CC2D2A: variants seen among roughly 807,000 people sequenced by gnomAD.
CC2D2A encodes coiled-coil and C2 domain-containing protein 2A.
A neutral mutation model predicts 212.9 loss-of-function variants in CC2D2A; 155 were observed. That is an observed-to-expected ratio of 0.73 (90% CI 0.64 to 0.83). The LOEUF is 0.83. Ranked by LOEUF, CC2D2A falls within the 40% of genes least tolerant of loss-of-function variation. CC2D2A has a pLI of 0.00. For missense variants in CC2D2A, 1,856 were observed against 1,956.2 expected (o/e 0.95, Z 0.97); for synonymous variants, 667 against 686.5 (o/e 0.97, Z 0.44).
rs534516025 is a variant in CC2D2A, at chr4:15,516,656, T to C, written c.1049T>C (p.Ile350Thr). 22 of 1,613,268 alleles carry C rather than the reference T, an allele frequency of 1.4e-5. No individual in the cohort carries two copies. The South Asian group carries it at 2.2e-4, about 16-fold the overall frequency. The change falls in exon 11 of 37, where the codon ATC becomes ACC. Residue 350 changes from isoleucine to threonine, a missense_variant. Physicochemically the swap from Ile to Thr is moderately conservative, Grantham distance 89 (BLOSUM62 -1). Around this residue, in one of 5 missense-constraint regions of CC2D2A, gnomAD observed 1,512 missense variants for 1,579.3 expected, o/e 0.96. Transcript: ENST00000424120. Reference protein sequence around the residue: ...ERRWFGDDGRILALPNPIKPF... With the variant: ...ERRWFGDDGRTLALPNPIKPF... ...AGATGGTTTGGAGATGACGGCAGGATCCTAGCTCTGCCAAACCCCATCAAG... is the reference window on the plus strand; with the variant it reads ...AGATGGTTTGGAGATGACGGCAGGACCCTAGCTCTGCCAAACCCCATCAAG...
intron 11 of CC2D2A, chr4:15,519,780 G>A (rs73235032): frequency 0.17 from 59,334 of 357,006 alleles, 5,964 homozygotes; most frequent in East Asian, 0.34. Context: ...TAAGAACGGC[G>A]CAGGAAAGAC....
intron 32 of CC2D2A, 99 bp downstream of exon 32, chr4:15,588,028 T>C (rs1238337852): frequency 1.6e-6 from 1 of 637,888 alleles, no homozygotes; most frequent in East Asian, 2.8e-5. Context: ...AACGATCCTT[T>C]GGGTTGCTAG....
intron 11 of CC2D2A, among the ~76,000 whole-genome samples, chr4:15,522,267 G>C (rs770189664): frequency 6.6e-6 from 1 of 152,138 alleles, no homozygotes; most frequent in Non-Finnish European, 1.5e-5. Context: ...AACAAAAGTT[G>C]GCATTTCCTT....
At chr4:15,559,759 C>T (rs1719477038) in intron 22 of CC2D2A, among the ~76,000 whole-genome samples, 2 of 152,028 alleles carry the variant, frequency 1.3e-5, no homozygotes, top group South Asian at 2.1e-4. Flanking sequence ...GTGTTATCTA[C>T]CCTGTGGCTC....
At chr4:15,541,042 C>G (rs571078553) in intron 17 of CC2D2A, 28 bp downstream of exon 17, 1 of 1,500,362 alleles carries the variant, frequency 6.7e-7, no homozygotes, top group African/African-American at 1.4e-5. Context: ...AGTTACTGGC[C>G]GGGCACTGTG....
chr4:15,588,669 C>T (rs1256067052), intron 32 of CC2D2A, among the ~76,000 whole-genome samples: 2 of 152,062 alleles, frequency 1.3e-5, no homozygotes, highest in Non-Finnish European at 2.9e-5. Flanking sequence ...ATCATTATCT[C>T]CCAGATAGTC....
chr4:15,588,379 T>A (rs1720945189), intron 32 of CC2D2A, among the ~76,000 whole-genome samples: 1 of 152,218 alleles, frequency 6.6e-6, no homozygotes, highest in African/African-American at 2.4e-5. Context: ...CAAAGGGGAA[T>A]AAGCCAGATA....
At chr4:15,496,970 T>C (rs1715653560) in intron 4 of CC2D2A, among the ~76,000 whole-genome samples, 1 of 152,186 alleles carries the variant, frequency 6.6e-6, no homozygotes. Flanking sequence ...ACCAGTATTG[T>C]TAGGTTGGAC....
chr4:15,473,119 TAATC>T (rs1173409037), intron 1 of CC2D2A: 1 of 152,216 alleles, frequency 6.6e-6, no homozygotes, highest in Non-Finnish European at 1.5e-5. Context: ...GTCAGTGACT[TAATC>T]ATTCATTCGA....
At chr4:15,542,826 G>A (rs1718528943) in intron 17 of CC2D2A, among the ~76,000 whole-genome samples, 1 of 152,142 alleles carries the variant, frequency 6.6e-6, no homozygotes, top group Non-Finnish European at 1.5e-5. Context: ...AACCCAGGAG[G>A]TGGGTTCAAT....
chr4:15,576,272 A>T (rs1720400469), intron 29 of CC2D2A: 1 of 400,302 alleles, frequency 2.5e-6, no homozygotes, highest in Non-Finnish European at 3.4e-6. Context: ...AACACTGCTC[A>T]GTGATTCACT....
chr4:15,549,120 T>A (rs1560177167), intron 17 of CC2D2A, among the ~76,000 whole-genome samples: 1 of 152,156 alleles, frequency 6.6e-6, no homozygotes, highest in East Asian at 1.9e-4. Context: ...AGGGGAGTGG[T>A]TGACAGTATA....
At chr4:15,499,290 T>A (rs1032782931) in intron 4 of CC2D2A, among the ~76,000 whole-genome samples, 4 of 152,162 alleles carry the variant, frequency 2.6e-5, no homozygotes, top group Non-Finnish European at 5.9e-5. Context: ...CAATGAAGGT[T>A]CATCAATTGT....
At chr4:15,589,420 A>C in intron 32 of CC2D2A, 125 bp from the exon 33 acceptor site, 1 of 871,772 alleles carries the variant, frequency 1.1e-6, no homozygotes, top group South Asian at 2.2e-5. Context: ...AGTAGTTTTC[A>C]CCATTAACCA....
chr4:15,587,887 G>A lies in CC2D2A; in HGVS notation c.4137G>A (p.Leu1379=). 1 of 1,613,274 alleles carries A rather than the reference G, an allele frequency of 6.2e-7. No individual in the cohort carries two copies. The highest frequency in any genetic ancestry group is 8.5e-7 in the Non-Finnish European group (1 of 1,179,370). The change falls in exon 32 of 37, where the codon CTG becomes CTA. Residue 1379 remains leucine (L), a synonymous_variant. Transcript: ENST00000424120. Reference sequence around the variant, plus strand: ...TATTGTGTAATTACTTTCTGTCTCTGGGTAAGAAGGCCTGGCTGTTGATGG... The same window carrying A: ...TATTGTGTAATTACTTTCTGTCTCTAGGTAAGAAGGCCTGGCTGTTGATGG... ...AVLLCNYFLS[L]GKKAWLLMGN...
At chr4:15,570,198 G>A (rs1720093209) in intron 27 of CC2D2A, among the ~76,000 whole-genome samples, 200 bp from the exon 28 acceptor site, 1 of 152,174 alleles carries the variant, frequency 6.6e-6, no homozygotes, top group African/African-American at 2.4e-5. Context: ...GTTTATTGAT[G>A]AGAAAACTGA....
In CC2D2A at chr4:15,527,458, C is replaced by T. The variant is rs1717568150; in HGVS notation, c.1161C>T (p.Tyr387=). 4.3e-6 allele frequency: 7 copies of T among 1,611,966 alleles called. No individual in the cohort carries two copies. The highest frequency in any genetic ancestry group is 2.7e-5 in the African/African-American group (2 of 75,024). The change falls in exon 12 of 37, where the codon TAC becomes TAT. Residue 387 remains tyrosine (Y), a synonymous_variant. Transcript: ENST00000424120. ...GCTTTCCTTGGCAGGCTGTAAAATA[C>T]GTTCACAGTAGTCAGCATGTGATCA... The part of the protein sequence containing the change: ...LETLYKKAVK[Y]VHSSQHVIRS...
chr4:15,478,361 G>C (rs551669267), intron 2 of CC2D2A, among the ~76,000 whole-genome samples: 1 of 152,124 alleles, frequency 6.6e-6, no homozygotes. Flanking sequence ...CTTGTTAGTC[G>C]CCTTTCTTAG....
At chr4:15,551,841 T>C (rs1383121801) in intron 18 of CC2D2A, among the ~76,000 whole-genome samples, 1 of 152,214 alleles carries the variant, frequency 6.6e-6, no homozygotes, top group African/African-American at 2.4e-5. Context: ...TGTTTTTTTA[T>C]TGTGACTTAT....
Sources: gnomAD v4.1 joint callset for allele counts (sites outside exome capture counted in the v4.1 genomes callset) on GRCh38, gnomAD v4.1.1 for gene constraint, gnomAD v4.1.1 regional missense constraint, MANE v1.5 for transcripts, NCBI Gene and HGNC (gene_info 2026-07-23, HGNC 2026-07-21) for gene names.